Variants in PPP6R3 observed in about 807,000 individuals in gnomAD.
PPP6R3 encodes protein phosphatase 6 regulatory subunit 3.
PPP6R3 carries 38 observed loss-of-function variants against 110.7 expected under a neutral mutation model. The ratio of observed to expected loss-of-function variants is 0.34; its 90% CI spans 0.26 to 0.45. The LOEUF (loss-of-function observed/expected upper bound fraction) is 0.45, where lower values mean the gene tolerates loss of function less well. PPP6R3 is among the 20% of genes least tolerant of loss of function. PPP6R3 has a pLI of 1.00. For missense variants in PPP6R3, 870 were observed against 1,062.4 expected (o/e 0.82, Z 2.52); for synonymous variants, 369 against 373.5 (o/e 0.99, Z 0.14).
chr11:68,553,039 A>G (rs1383064380), intron 6 of PPP6R3, among the ~76,000 whole-genome samples: 1 of 152,178 alleles, frequency 6.6e-6, no homozygotes, highest in Non-Finnish European at 1.5e-5. Flanking sequence ...TACCAAGGAA[A>G]TGCTAGGCTC....
At chr11:68,552,178 A>G (rs952624486) in intron 6 of PPP6R3, among the ~76,000 whole-genome samples, 7 of 152,176 alleles carry the variant, frequency 4.6e-5, no homozygotes, top group South Asian at 4.1e-4. Context: ...ATAGTTCTCT[A>G]TGGTTCAGCC....
chr11:68,566,549 C>T (rs1389706903), intron 9 of PPP6R3, among the ~76,000 whole-genome samples: 2 of 151,938 alleles, frequency 1.3e-5, no homozygotes, highest in African/African-American at 4.8e-5. Flanking sequence ...TTTGTAGAGA[C>T]AGGGTCTCAC....
intron 11 of PPP6R3, among the ~76,000 whole-genome samples, chr11:68,570,768 C>G (rs1367647888): frequency 6.6e-6 from 1 of 152,128 alleles, no homozygotes; most frequent in African/African-American, 2.4e-5. Flanking sequence ...TAAAACCTGG[C>G]TTTCCTTTAT....
intron 23 of PPP6R3, among the ~76,000 whole-genome samples, chr11:68,612,567 G>A (rs1944062947): frequency 6.6e-6 from 1 of 151,096 alleles, no homozygotes; most frequent in Non-Finnish European, 1.5e-5. Context: ...TTCTTCAAGT[G>A]GACACCTTTT....
chr11:68,486,664 T>C (rs2098949684), intron 1 of PPP6R3, among the ~76,000 whole-genome samples: 2 of 152,032 alleles, frequency 1.3e-5, no homozygotes, highest in African/African-American at 4.8e-5. Flanking sequence ...GGAAGCAATT[T>C]TAGAGAATTG....
intron 2 of PPP6R3, among the ~76,000 whole-genome samples, chr11:68,534,222 G>C (rs946034715): frequency 6.6e-6 from 1 of 152,184 alleles, no homozygotes; most frequent in Admixed American, 6.6e-5. Context: ...GTGGATTCAG[G>C]AGACTGCAGA....
At chr11:68,596,767 C>A (rs895873978) in intron 19 of PPP6R3, among the ~76,000 whole-genome samples, 1 of 152,206 alleles carries the variant, frequency 6.6e-6, no homozygotes, top group African/African-American at 2.4e-5. Context: ...TCAAAAACTT[C>A]TAAAGGTTTG....
At chr11:68,610,154 C>A in intron 23 of PPP6R3, 131 bp downstream of exon 23, 1 of 1,286,360 alleles carries the variant, frequency 7.8e-7, no homozygotes, top group South Asian at 1.5e-5. Flanking sequence ...CCTGGCAGGA[C>A]AGGGTTTTCT....
intron 1 of PPP6R3, among the ~76,000 whole-genome samples, chr11:68,487,227 G>C (rs2153417418): frequency 6.6e-6 from 1 of 152,204 alleles, no homozygotes; most frequent in South Asian, 2.1e-4. Context: ...TCTAGACACT[G>C]TTTTTGCTGT....
chr11:68,504,181 C>T (rs988028987), intron 1 of PPP6R3, among the ~76,000 whole-genome samples: 7 of 152,078 alleles, frequency 4.6e-5, no homozygotes, highest in Non-Finnish European at 7.4e-5. Flanking sequence ...ATGTCTATAT[C>T]AGGTAAAGCA....
At chr11:68,585,890 T>A (rs1034117899) in intron 15 of PPP6R3, among the ~76,000 whole-genome samples, 1 of 152,238 alleles carries the variant, frequency 6.6e-6, no homozygotes, top group African/African-American at 2.4e-5. Context: ...TTTGAAGCAT[T>A]TAAAATATAA....
chr11:68,525,982 C>A (rs1051297271), intron 2 of PPP6R3, among the ~76,000 whole-genome samples: 5 of 152,228 alleles, frequency 3.3e-5, no homozygotes, highest in Admixed American at 3.3e-4. Flanking sequence ...TCTAGCCAAG[C>A]AGTTTCACCA....
At chr11:68,520,399 T>C (rs962472593) in intron 2 of PPP6R3, among the ~76,000 whole-genome samples, 15 of 152,336 alleles carry the variant, frequency 9.8e-5, no homozygotes, top group African/African-American at 3.4e-4. Flanking sequence ...CTTGCAACTG[T>C]CTTTTTCTTT....
chr11:68,493,384 A>G (rs2098995451), intron 1 of PPP6R3, among the ~76,000 whole-genome samples: 1 of 151,968 alleles, frequency 6.6e-6, no homozygotes, highest in Admixed American at 6.6e-5. Context: ...TATTTCATAA[A>G]TTTTTAAAAA....
At chr11:68,480,450 C>T (rs1471916006) in intron 1 of PPP6R3, among the ~76,000 whole-genome samples, 2 of 152,332 alleles carry the variant, frequency 1.3e-5, no homozygotes, top group Middle Eastern at 3.4e-3. Context: ...TAATATTCTG[C>T]ACCTTGGCGG....
intron 1 of PPP6R3, among the ~76,000 whole-genome samples, chr11:68,497,904 A>G (rs2099027267): frequency 1.3e-5 from 2 of 151,884 alleles, no homozygotes; most frequent in South Asian, 4.2e-4. Flanking sequence ...TGACTATTTC[A>G]CTGGATAGAT....
chr11:68,505,301 TTGAA>T (rs932487798), intron 1 of PPP6R3: 1 of 152,172 alleles, frequency 6.6e-6, no homozygotes, highest in Non-Finnish European at 1.5e-5. Flanking sequence ...TTACTACTGT[TTGAA>T]TGAAGAATAT....
At chr11:68,513,983 A>G (rs1230253258) in intron 1 of PPP6R3, among the ~76,000 whole-genome samples, 1 of 152,220 alleles carries the variant, frequency 6.6e-6, no homozygotes, top group East Asian at 1.9e-4. Context: ...AGATCTCATC[A>G]AAAGACATAG....
intron 1 of PPP6R3, among the ~76,000 whole-genome samples, chr11:68,509,409 T>G (rs2099095973): frequency 6.6e-6 from 1 of 152,104 alleles, no homozygotes; most frequent in Non-Finnish European, 1.5e-5. Flanking sequence ...TCCTTCACCA[T>G]CAGTACGTTC....
Sources: allele counts gnomAD v4.1 joint callset (sites outside exome capture counted in the v4.1 genomes callset), GRCh38; gene constraint gnomAD v4.1.1; transcripts MANE v1.5; gene names NCBI Gene and HGNC (gene_info 2026-07-23, HGNC 2026-07-21).